LAMB4: variants seen among roughly 807,000 people sequenced by gnomAD.
LAMB4 encodes the protein laminin subunit beta-4.
A neutral mutation model predicts 199.2 loss-of-function variants in LAMB4; 196 were observed. The observed-to-expected ratio is 0.98, with a 90% CI of 0.88 to 1.11. The LOEUF (loss-of-function observed/expected upper bound fraction) is 1.11, where lower values mean the gene tolerates loss of function less well. Ranked by LOEUF, LAMB4 falls within the 50% of genes least tolerant of loss-of-function variation. The pLI is 0.00. For synonymous variants in LAMB4, 744 were observed against 770.6 expected, an observed-to-expected ratio of 0.97 and a Z score of 0.57; for missense variants, 2,080 against 2,171.2, an observed-to-expected ratio of 0.96 and a Z score of 0.83.
intron 2 of LAMB4, among the ~76,000 whole-genome samples, chr7:108,122,831 A>T (rs1395822374): frequency 6.7e-6 from 1 of 150,276 alleles, no homozygotes; most frequent in African/African-American, 2.4e-5. Context: ...CACAGCTATT[A>T]AAAAAATTAG....
chr7:108,042,973 G>GTGTGTGTA (rs1376705522), intron 29 of LAMB4, among the ~76,000 whole-genome samples: 4 of 150,780 alleles, frequency 2.7e-5, no homozygotes, highest in Non-Finnish European at 5.9e-5. Flanking sequence ...GTGTGTGTGT[G>GTGTGTGTA]TGTGTATGTG....
intron 14 of LAMB4, among the ~76,000 whole-genome samples, chr7:108,080,218 G>C (rs1217957312): frequency 6.6e-6 from 1 of 152,132 alleles, no homozygotes; most frequent in East Asian, 1.9e-4. Context: ...TTATTTTCTA[G>C]ATACTTCTTC....
At chr7:108,089,103 CT>C (rs1047512549) in intron 14 of LAMB4, among the ~76,000 whole-genome samples, 12 of 152,130 alleles carry the variant, frequency 7.9e-5, no homozygotes, top group Non-Finnish European at 2.9e-5. Flanking sequence ...ATAAACTACA[CT>C]TTTTTTTATA....
chr7:108,112,289 A>T (rs2038255358), intron 3 of LAMB4, among the ~76,000 whole-genome samples: 1 of 151,718 alleles, frequency 6.6e-6, no homozygotes, highest in South Asian at 2.1e-4. Flanking sequence ...AGAAGGTCTT[A>T]GTGAATTGGA....
In LAMB4 at chr7:108,043,777, G is replaced by T. The variant is rs1173008785; in HGVS notation, c.4446C>A (p.Ile1482=). 2 of 1,581,976 alleles carry T rather than the reference G, an allele frequency of 1.3e-6. No homozygotes were observed. The highest frequency in any genetic ancestry group is 1.7e-6 in the Non-Finnish European group (2 of 1,163,136). Residue 1482 remains isoleucine (I), a synonymous_variant, in exon 29 of 34, where the codon ATC becomes ATA. Transcript: ENST00000388781. ...CTAACAAAAAGTTTTTCACTTTTTT[G>T]ATGAAAAGATTGATGTTTTCTTCTT... ...DSEEENINLF[I]KKVKNFLLEE... is the part of the protein sequence containing the mutation.
At chr7:108,025,410 TTTCTTTC>T (rs1014356492) in intron 33 of LAMB4, among the ~76,000 whole-genome samples, 1 of 112,642 alleles carries the variant, frequency 8.9e-6, no homozygotes, top group South Asian at 2.3e-4. Flanking sequence ...TCTTTCTTTC[TTTCTTTC>T]TTCTTTCTTT....
chr7:108,078,150 G>C (rs2036776072), intron 16 of LAMB4, 51 bp downstream of exon 16: 3 of 1,241,166 alleles, frequency 2.4e-6, no homozygotes, highest in Non-Finnish European at 3.5e-6. Context: ...ACTGATAAGT[G>C]AACAAAATTC....
intron 1 of LAMB4, among the ~76,000 whole-genome samples, chr7:108,128,559 C>T (rs928708540): frequency 8.5e-5 from 13 of 152,156 alleles, no homozygotes; most frequent in African/African-American, 3.1e-4. Context: ...TCTTCCTCCC[C>T]ATTTTCTATT....
At chr7:108,123,761 G>A (rs996740787) in intron 1 of LAMB4, among the ~76,000 whole-genome samples, 1 of 152,050 alleles carries the variant, frequency 6.6e-6, no homozygotes, top group Non-Finnish European at 1.5e-5. Flanking sequence ...TTCTTATTTC[G>A]ATCAATACAT....
chr7:108,107,716 T>C lies in LAMB4; in HGVS notation c.506A>G (p.Asn169Ser). Residue 169 changes from asparagine to serine, a missense_variant, in exon 6 of 34, where the codon AAC becomes AGC. Transcript: ENST00000388781. Reference sequence around the variant, plus strand: ...TCCCTGGGCCTGGCCAGATGTGATGTTAGGAAAGGAAGTGGCACAGTCTTT... The same window carrying C: ...TCCCTGGGCCTGGCCAGATGTGATGCTAGGAAAGGAAGTGGCACAGTCTTT... ...FAKDCATSFP[N>S]ITSGQAQGVG... 2 of 1,613,776 alleles carry C rather than the reference T, an allele frequency of 1.2e-6. No homozygotes were observed. Among genetic ancestry groups the C allele is most frequent in the Non-Finnish European group, 1.7e-6 (2 of 1,179,824 alleles).
At chr7:108,119,205 C>T (rs117533363) in intron 2 of LAMB4, among the ~76,000 whole-genome samples, 1 of 152,246 alleles carries the variant, frequency 6.6e-6, no homozygotes, top group Non-Finnish European at 1.5e-5. Flanking sequence ...GGTATAGGCA[C>T]TCCTAGGAAG....
At position 108,066,387 on chromosome 7, in the gene LAMB4, G is replaced by A; in HGVS notation, c.2660C>T (p.Thr887Ile). The A allele has an allele frequency of 6.2e-7, 1 of 1,613,788 alleles. No individual in the cohort carries two copies. The highest frequency in any genetic ancestry group is 8.5e-7 in the Non-Finnish European group (1 of 1,179,668). The change falls in exon 20 of 34, where the codon ACT (threonine) becomes ATT (isoleucine). Residue 887 changes from threonine to isoleucine, a missense_variant. By Grantham distance (89) the Thr-to-Ile change is moderately conservative. Coordinates refer to ENST00000388781, the MANE Select transcript of LAMB4 (RefSeq NM_007356.3). Reference sequence around the variant, plus strand: ...TCCATACCTTTCACAGTTTCTGCCAGTTGTAAAGCCTCCACAATTGAAGCA... The same window carrying A: ...TCCATACCTTTCACAGTTTCTGCCAATTGTAAAGCCTCCACAATTGAAGCA... ...GSCFNCGGFT[T>I]GRNCERCIDG...
intron 3 of LAMB4, among the ~76,000 whole-genome samples, chr7:108,114,607 T>G (rs1245444440): frequency 6.6e-6 from 1 of 152,242 alleles, no homozygotes; most frequent in Non-Finnish European, 1.5e-5. Context: ...ACCCAAGTAT[T>G]GTCTCCACTT....
At position 108,062,992 on chromosome 7, in the gene LAMB4, A is replaced by T. The variant is rs780117759; in HGVS notation, c.3064T>A (p.Cys1022Ser). 1 of 1,558,366 alleles carries T rather than the reference A, an allele frequency of 6.4e-7. No individual in the cohort carries two copies. Among genetic ancestry groups the T allele is most frequent in the Non-Finnish European group, 8.7e-7 (1 of 1,155,104 alleles). Residue 1022 changes from cysteine to serine, a missense_variant and splice_region_variant, in exon 23 of 34, where the codon TGC becomes AGC. Physicochemically the swap from Cys to Ser is moderately radical, Grantham distance 112. Transcript: ENST00000388781. ...GSALNQTCRRCSCHASGVSPM... is the reference protein window; with the variant it reads ...GSALNQTCRRSSCHASGVSPM... ...CTCACGCCGGAAGCATGGCAGGAGC[A>T]TCCTGTGATGACAAAACCATCATCA...
chr7:108,095,128 A>G (rs2037546921), intron 12 of LAMB4, 100 bp downstream of exon 12: 2 of 803,634 alleles, frequency 2.5e-6, no homozygotes, highest in African/African-American at 1.7e-5. Context: ...TTAAAACACA[A>G]TAGGACAAGA....
chr7:108,067,866 G>A, intron 19 of LAMB4, 150 bp downstream of exon 19: 5 of 965,476 alleles, frequency 5.2e-6, no homozygotes, highest in Non-Finnish European at 4.8e-6. Flanking sequence ...GCAAAAAAAT[G>A]TTCAGTATAT....
chr7:108,106,831 T>C (rs1436244002), intron 6 of LAMB4, among the ~76,000 whole-genome samples: 1 of 151,980 alleles, frequency 6.6e-6, no homozygotes, highest in African/African-American at 2.4e-5. Flanking sequence ...CCTCCTAAAG[T>C]GCTGGAATTA....
intron 30 of LAMB4, among the ~76,000 whole-genome samples, chr7:108,037,055 A>G (rs1296883985): frequency 6.6e-6 from 1 of 152,096 alleles, no homozygotes; most frequent in Non-Finnish European, 1.5e-5. Context: ...TAAATAAGGG[A>G]AAAACTATAC....
downstream of LAMB4, chr7:108,023,517 G>C (rs2034735397): frequency 6.6e-6 from 1 of 152,208 alleles, no homozygotes; most frequent in South Asian, 2.1e-4. Context: ...GGCTGAGAAT[G>C]ACCATGTAGG....
Sources: gnomAD v4.1 joint callset for allele counts (sites outside exome capture counted in the v4.1 genomes callset) on GRCh38, gnomAD v4.1.1 for gene constraint, MANE v1.5 for transcripts, NCBI Gene and HGNC (gene_info 2026-07-23, HGNC 2026-07-21) for gene names.